Variants in USP53 observed in about 807,000 individuals in gnomAD.
USP53 encodes the protein ubiquitin specific peptidase 53, also known as ubiquitin carboxyl-terminal hydrolase 53.
USP53 carries 71 observed loss-of-function variants against 94.9 expected under a neutral mutation model. That is an observed-to-expected ratio of 0.75 (90% CI 0.62 to 0.91). The LOEUF is 0.91. Among genes scored for constraint, USP53 ranks in the 40% least tolerant of loss-of-function variants. The pLI, the probability that USP53 is intolerant of heterozygous loss-of-function variation, is 0.00. For synonymous variants in USP53, 375 were observed against 422.7 expected, an observed-to-expected ratio of 0.89 and a Z score of 1.39; for missense variants, 1,173 against 1,281.0, an observed-to-expected ratio of 0.92 and a Z score of 1.29.
chr4:119,273,864 A>T (rs559021385), intron 17 of USP53, among the ~76,000 whole-genome samples, 156 bp downstream of exon 17: 1 of 151,976 alleles, frequency 6.6e-6, no homozygotes, highest in Admixed American at 6.6e-5. Context: ...TTAAGTTAAT[A>T]TATGTTTTAA....
chr4:119,253,988 G>T (rs913308940), intron 7 of USP53, among the ~76,000 whole-genome samples: 2 of 152,118 alleles, frequency 1.3e-5, no homozygotes, highest in African/African-American at 4.8e-5. Flanking sequence ...GCTTAGTTTG[G>T]CTGGATATAA....
intron 17 of USP53, among the ~76,000 whole-genome samples, chr4:119,286,510 G>A (rs1754135585): frequency 6.6e-6 from 1 of 151,870 alleles, no homozygotes; most frequent in Non-Finnish European, 1.5e-5. Flanking sequence ...TTGGAATTCT[G>A]AAGTCAAACC....
Position 119,271,608 on chromosome 4 carries a change from G to A in USP53, c.1748G>A (p.Gly583Asp). 3 of 1,613,752 alleles carry A rather than the reference G, an allele frequency of 1.9e-6. No individual in the cohort carries two copies. Among genetic ancestry groups the A allele is most frequent in the Non-Finnish European group, 1.7e-6 (2 of 1,180,038 alleles). ...CDSSSKSRNR[G>D]WKPMRETLNV... is the part of the protein sequence containing the mutation. ...AGCAGCAGTAAAAGCCGGAACCGAG[G>A]TTGGAAACCTATGAGAGAAACATTA... The change falls in exon 16 of 19, where the codon GGT becomes GAT. Residue 583 changes from glycine to aspartate, a missense_variant. Gly to Asp is a moderately conservative substitution (Grantham distance 94, BLOSUM62 -1). Transcript: ENST00000692078.
At chr4:119,265,205 CTG>C (rs60216118) in intron 12 of USP53, among the ~76,000 whole-genome samples, 44,628 of 151,676 alleles carry the variant, frequency 0.29, 6,614 homozygotes, top group East Asian at 0.38. Flanking sequence ...GACTTGTACA[CTG>C]TAACTAGATA....
At chr4:119,282,742 G>A (rs967597174) in intron 17 of USP53, among the ~76,000 whole-genome samples, 4 of 151,790 alleles carry the variant, frequency 2.6e-5, no homozygotes, top group African/African-American at 9.7e-5. Flanking sequence ...TTAAAAACTT[G>A]CTGTGCATGG....
chr4:119,213,646 A>AT (rs1331006272), intron 1 of USP53, among the ~76,000 whole-genome samples: 7 of 67,626 alleles, frequency 1.0e-4, no homozygotes, highest in African/African-American at 3.0e-4. Context: ...AAATAGATAT[A>AT]TATATATATA....
intron 18 of USP53, among the ~76,000 whole-genome samples, chr4:119,292,134 C>T (rs1754834521): frequency 6.6e-6 from 1 of 152,036 alleles, no homozygotes; most frequent in South Asian, 2.1e-4. Flanking sequence ...TAAACACTCA[C>T]ATATTCTGAC....
At chr4:119,264,551 A>G (rs936756097) in intron 12 of USP53, among the ~76,000 whole-genome samples, 1 of 152,238 alleles carries the variant, frequency 6.6e-6, no homozygotes, top group Non-Finnish European at 1.5e-5. Flanking sequence ...CAGTTCACCA[A>G]TGAATATACA....
chr4:119,271,172 A>G, intron 15 of USP53, 124 bp from the exon 16 acceptor site: 4 of 1,412,720 alleles, frequency 2.8e-6, no homozygotes, highest in Non-Finnish European at 3.7e-6. Context: ...AGTATGTGAT[A>G]TGTACTTGTA....
intron 14 of USP53, 75 bp from the exon 15 acceptor site, chr4:119,269,616 T>C (rs1751599549): frequency 9.7e-7 from 1 of 1,027,388 alleles, no homozygotes. Context: ...AACATTTTTA[T>C]ATAGATCAAT....
chr4:119,270,757 C>A (rs1365571527), intron 15 of USP53, among the ~76,000 whole-genome samples: 6 of 152,170 alleles, frequency 3.9e-5, no homozygotes, highest in Admixed American at 3.9e-4. Flanking sequence ...GCTTCAGCAA[C>A]ATCTTTTTTC....
chr4:119,228,566 G>T (rs960769403), intron 3 of USP53, among the ~76,000 whole-genome samples: 1 of 152,142 alleles, frequency 6.6e-6, no homozygotes, highest in Non-Finnish European at 1.5e-5. Context: ...GGGGGTGTGG[G>T]TGCACTGTGG....
intron 7 of USP53, among the ~76,000 whole-genome samples, chr4:119,253,167 T>C (rs1749272366): frequency 1.3e-5 from 2 of 151,068 alleles, no homozygotes; most frequent in Non-Finnish European, 3.0e-5. Context: ...GGTTTTAGAT[T>C]AGGTGCTGCG....
In USP53 at chr4:119,245,405, T is replaced by A. The variant is rs1748103057; in HGVS notation, c.213T>A (p.Asp71Glu). 2 of 1,613,896 alleles carry A rather than the reference T, an allele frequency of 1.2e-6. No homozygotes were observed. Among genetic ancestry groups the A allele is most frequent in the Non-Finnish European group, 1.7e-6 (2 of 1,179,898 alleles). The change falls in exon 6 of 19, where the codon GAT becomes GAA. Residue 71 changes from aspartate to glutamate, a missense_variant. Transcript: ENST00000692078. Reference sequence around the variant, plus strand: ...TGACTGGACATGTTTGTCAGGGAGATGCCTGTATATTTTGTGCATTGAAGG... The same window carrying A: ...TGACTGGACATGTTTGTCAGGGAGAAGCCTGTATATTTTGTGCATTGAAGG... ...RVLTGHVCQGDACIFCALKTI... is the reference protein window; with the variant it reads ...RVLTGHVCQGEACIFCALKTI...
intron 13 of USP53, 148 bp from the exon 14 acceptor site, chr4:119,268,120 T>G (rs1384233912): frequency 1.1e-5 from 7 of 662,508 alleles, no homozygotes; most frequent in Middle Eastern, 5.1e-4. Flanking sequence ...TGAGCCGAGA[T>G]TGCGCCACTG....
intron 12 of USP53, among the ~76,000 whole-genome samples, chr4:119,263,251 G>A (rs1750719080): frequency 1.3e-5 from 2 of 152,174 alleles, no homozygotes; most frequent in Non-Finnish European, 1.5e-5. Context: ...TGAACAACAT[G>A]CAGTTGAACA....
chr4:119,240,375 C>T (rs1747358568), intron 5 of USP53, among the ~76,000 whole-genome samples: 1 of 152,174 alleles, frequency 6.6e-6, no homozygotes, highest in South Asian at 2.1e-4. Flanking sequence ...ATCATTTGGG[C>T]TCCACTGTTT....
At chr4:119,243,758 A>G (rs1356433582) in intron 5 of USP53, among the ~76,000 whole-genome samples, 1 of 152,192 alleles carries the variant, frequency 6.6e-6, no homozygotes, top group South Asian at 2.1e-4. Flanking sequence ...TATAGAGGGT[A>G]TTTTAGCTGA....
At chr4:119,289,983 T>C (rs1197206779) in intron 17 of USP53, among the ~76,000 whole-genome samples, 1 of 152,242 alleles carries the variant, frequency 6.6e-6, no homozygotes, top group Non-Finnish European at 1.5e-5. Context: ...TATTAAAGAT[T>C]AGAGGGCAAT....
Sources: gnomAD v4.1 joint callset for allele counts (sites outside exome capture counted in the v4.1 genomes callset) on GRCh38, gnomAD v4.1.1 for gene constraint, MANE v1.5 for transcripts, NCBI Gene and HGNC (gene_info 2026-07-23, HGNC 2026-07-21) for gene names.